The following ATP8A2 variants were observed in gnomAD, a reference collection of about 807,000 sequenced individuals.
The protein encoded by ATP8A2 is phospholipid-transporting ATPase IB.
In ATP8A2, 100 loss-of-function variants were observed where a neutral mutation model predicts 165.6. That is an observed-to-expected ratio of 0.60 (90% CI 0.51 to 0.71). The LOEUF (loss-of-function observed/expected upper bound fraction) is 0.71, where lower values mean the gene tolerates loss of function less well. Among genes scored for constraint, ATP8A2 ranks in the 30% least tolerant of loss-of-function variants. The pLI is 0.00. For synonymous variants in ATP8A2, 543 were observed against 548.8 expected (o/e 0.99, Z 0.15); for missense variants, 1,227 against 1,479.5 (o/e 0.83, Z 2.80).
In ATP8A2 at chr13:25,907,207, G is replaced by A. The variant is rs544592308; in HGVS notation, c.3183+44799G>A. 1.4e-4 allele frequency among the ~76,000 whole-genome samples: 21 copies of A among 152,154 alleles called. 1 individual carries two copies. The South Asian group carries it at 3.7e-3, about 27-fold the overall frequency. On this transcript the variant is annotated intron_variant, in intron 33 of 36. Transcript: ENST00000381655. Reference sequence around the variant, plus strand: ...ACTGTGCTACCCGTGTGGAGATCGCGCCACTGCACTCCAGCCTGGGCGACA... The same window carrying A: ...ACTGTGCTACCCGTGTGGAGATCGCACCACTGCACTCCAGCCTGGGCGACA...
At chr13:25,789,987 A>G (rs901535263) in intron 27 of ATP8A2, among the ~76,000 whole-genome samples, 4 of 152,228 alleles carry the variant, frequency 2.6e-5, no homozygotes, top group East Asian at 1.9e-4. Context: ...AGGACTCACT[A>G]TTCTATAAAT....
At chr13:25,420,768 C>T (rs571312825) in intron 1 of ATP8A2, among the ~76,000 whole-genome samples, 71 of 152,228 alleles carry the variant, frequency 4.7e-4, no homozygotes, top group African/African-American at 1.3e-3. Flanking sequence ...TAAATATTTC[C>T]GGAATATTGA....
chr13:25,960,538 G>A (rs1433047784), intron 33 of ATP8A2, among the ~76,000 whole-genome samples: 4 of 152,116 alleles, frequency 2.6e-5, no homozygotes, highest in Non-Finnish European at 4.4e-5. Context: ...GAAATCCGGT[G>A]AACACGGAGG....
chr13:25,398,884 G>A (rs895662610), intron 1 of ATP8A2, among the ~76,000 whole-genome samples: 3 of 148,424 alleles, frequency 2.0e-5, no homozygotes, highest in Non-Finnish European at 4.5e-5. Context: ...GCCGTAAAAT[G>A]TTCATCCATA....
chr13:25,440,791 T>C lies in ATP8A2; in HGVS notation c.77-28186T>C, dbSNP rs183912478. ...CCTTCTAGGTATGGATTATAGGTCA[T>C]ATAGCTTAGAATAAAGCAAACACAG... On this transcript the variant is annotated intron_variant, in intron 1 of 36. Coordinates refer to ENST00000381655, the MANE Select transcript of ATP8A2 (RefSeq NM_016529.6). Among the ~76,000 whole-genome samples the C allele has an allele frequency of 1.3e-3, 203 of 152,344 alleles. 1 individual carries two copies. The highest frequency in any genetic ancestry group is 4.7e-3 in the African/African-American group (194 of 41,580).
intron 30 of ATP8A2, among the ~76,000 whole-genome samples, chr13:25,844,468 A>T (rs1339343663): frequency 6.6e-6 from 1 of 152,012 alleles, no homozygotes; most frequent in Admixed American, 6.6e-5. Flanking sequence ...TGACCTCGTG[A>T]TCTGCCCACC....
chr13:25,560,391 T>C (rs1408088977), intron 15 of ATP8A2, among the ~76,000 whole-genome samples: 1 of 152,116 alleles, frequency 6.6e-6, no homozygotes, highest in Non-Finnish European at 1.5e-5. Flanking sequence ...ATAATGTTTA[T>C]ATTAGTTTTT....
In ATP8A2 at chr13:25,772,805, G is replaced by A. The variant is rs554476166; in HGVS notation, c.2569-2044G>A. Among the ~76,000 whole-genome samples, 133 of 151,908 alleles carry A rather than the reference G, an allele frequency of 8.8e-4. 1 individual carries two copies. Among genetic ancestry groups the A allele is most frequent in the African/African-American group, 3.2e-3 (131 of 41,442 alleles). On this transcript the variant is annotated intron_variant, in intron 26 of 36. Transcript: ENST00000381655. The stretch of plus-strand genomic sequence containing the variant: ...TTTCACTCATGTTGCCCAGGCTGGA[G>A]TGCAGTGGCTGGATCTCGGCTCACT...
At chr13:25,377,943 AC>A (rs34930248) in intron 1 of ATP8A2, among the ~76,000 whole-genome samples, 1 of 152,060 alleles carries the variant, frequency 6.6e-6, no homozygotes, top group East Asian at 1.9e-4. Flanking sequence ...ACATAGTGAG[AC>A]CCCATCTCTA....
intron 34 of ATP8A2, 137 bp downstream of exon 34, chr13:25,961,800 GA>G (rs969822156): frequency 1.5e-4 from 97 of 647,988 alleles, no homozygotes; most frequent in Middle Eastern, 4.0e-4. Context: ...TGCCAGAAAT[GA>G]AAAAAAAATT....
intron 27 of ATP8A2, among the ~76,000 whole-genome samples, chr13:25,786,227 C>G (rs1461024215): frequency 6.6e-6 from 1 of 152,150 alleles, no homozygotes; most frequent in African/African-American, 2.4e-5. Context: ...TGCGTTCTAA[C>G]GATACATCTG....
At chr13:25,842,574 A>C (rs1357069767) in intron 30 of ATP8A2, among the ~76,000 whole-genome samples, 2 of 152,144 alleles carry the variant, frequency 1.3e-5, no homozygotes, top group Non-Finnish European at 2.9e-5. Context: ...TGGGAGGCTG[A>C]GGCAGCAGAA....
rs147402069 is a variant in ATP8A2 at position 25,672,942 on chromosome 13, A to G, written c.2212-26231A>G. On this transcript the variant is annotated intron_variant, in intron 24 of 36. Coordinates refer to ENST00000381655, the MANE Select transcript of ATP8A2 (RefSeq NM_016529.6). Reference sequence around the variant, plus strand: ...TGGTTTGGAGACTTTGGGAGACATGAATAATATAAGGGATTGGTGGAAAAG... The same window carrying G: ...TGGTTTGGAGACTTTGGGAGACATGGATAATATAAGGGATTGGTGGAAAAG... Among the ~76,000 whole-genome samples, 596 of 152,270 alleles carry G rather than the reference A, an allele frequency of 3.9e-3. 6 individuals carry two copies. Among genetic ancestry groups the G allele is most frequent in the African/African-American group, 0.014 (566 of 41,560 alleles).
At chr13:25,902,785 G>A (rs1444289090) in intron 33 of ATP8A2, among the ~76,000 whole-genome samples, 3 of 152,056 alleles carry the variant, frequency 2.0e-5, no homozygotes, top group Non-Finnish European at 2.9e-5. Context: ...CCAATTCTAT[G>A]TGTTCAGCCC....
intron 1 of ATP8A2, among the ~76,000 whole-genome samples, chr13:25,434,569 G>A (rs183316639): frequency 3.3e-5 from 5 of 152,120 alleles, no homozygotes; most frequent in Non-Finnish European, 7.4e-5. Flanking sequence ...GTCTGGTCTC[G>A]AACTCCTGGC....
In ATP8A2 at chr13:25,827,090, T is replaced by C. The variant is rs148125336; in HGVS notation, c.2680-1028T>C. 6.2e-3 allele frequency among the ~76,000 whole-genome samples: 948 copies of C among 152,290 alleles called. 6 individuals carry two copies. Among genetic ancestry groups the C allele is most frequent in the Non-Finnish European group, 9.1e-3 (619 of 68,028 alleles). The stretch of plus-strand genomic sequence containing the variant: ...CCTTTTCTGACAGTGTTTTTTGTTT[T>C]TTTTGTTTGTTTGTTTGTTTTGGTT... On this transcript the variant is annotated intron_variant, in intron 27 of 36. Transcript: ENST00000381655.
intron 30 of ATP8A2, among the ~76,000 whole-genome samples, chr13:25,848,959 T>G (rs9319247): frequency 0.13 from 19,715 of 148,662 alleles, 1,513 homozygotes; most frequent in Non-Finnish European, 0.18. Context: ...CTAGTTGGGA[T>G]GGGGTGCGCT....
chr13:25,929,392 A>G (rs1466336312), intron 33 of ATP8A2, among the ~76,000 whole-genome samples: 1 of 152,198 alleles, frequency 6.6e-6, no homozygotes, highest in Admixed American at 6.5e-5. Flanking sequence ...AAGCACTGAA[A>G]GTCCTGGGCA....
At chr13:25,388,306 G>C (rs1157066131) in intron 1 of ATP8A2, among the ~76,000 whole-genome samples, 3 of 152,172 alleles carry the variant, frequency 2.0e-5, no homozygotes, top group Non-Finnish European at 4.4e-5. Context: ...GTGGTCAGGA[G>C]AGCTTGTCTC....
Sources: gnomAD v4.1 joint callset for allele counts (sites outside exome capture counted in the v4.1 genomes callset) on GRCh38, gnomAD v4.1.1 for gene constraint, MANE v1.5 for transcripts, NCBI Gene and HGNC (gene_info 2026-07-23, HGNC 2026-07-21) for gene names.